The following UBXN10 variants were observed in gnomAD, a reference collection of about 807,000 sequenced individuals.
UBXN10 encodes the protein UBX domain-containing protein 10.
In UBXN10, 6 loss-of-function variants were observed where a neutral mutation model predicts 6.9. That is an observed-to-expected ratio of 0.87 (90% confidence interval 0.48 to 1.72). UBXN10 has a LOEUF of 1.72. Among genes scored for constraint, UBXN10 ranks in the 40% most tolerant of loss-of-function variants. The pLI is 0.01. For synonymous variants in UBXN10, 131 were observed against 135.2 expected (o/e 0.97, Z 0.21); for missense variants, 317 against 348.4 (o/e 0.91, Z 0.72).
intron 1 of UBXN10, among the ~76,000 whole-genome samples, chr1:20,190,174 T>C (rs1277781418): frequency 1.3e-5 from 2 of 152,248 alleles, no homozygotes; most frequent in East Asian, 3.8e-4. Context: ...GCAGGTTTTC[T>C]GGTTTTTACC....
At position 20,190,191 on chromosome 1, in the gene UBXN10, T is replaced by C. The variant is rs530834984; in HGVS notation, c.-15-356T>C. On this transcript the variant is annotated intron_variant, in intron 1 of 1. Transcript: ENST00000375099. ...AGGTTTTCTGGTTTTTACCAGAAAC[T>C]TCCCCCCTCCTAAAAGAATAAGAAT... 2.9e-4 allele frequency among the ~76,000 whole-genome samples: 44 copies of C among 152,318 alleles called. No individual in the cohort carries two copies. In the East Asian group the frequency reaches 8.1e-3, roughly 28 times the overall value.
intron 1 of UBXN10, among the ~76,000 whole-genome samples, chr1:20,189,842 G>A (rs896940612): frequency 6.6e-6 from 1 of 152,244 alleles, no homozygotes; most frequent in Non-Finnish European, 1.5e-5. Flanking sequence ...GAGGACACAG[G>A]ATCGGGTGTC....
chr1:20,185,716 G>A (rs1027822683), upstream of UBXN10, among the ~76,000 whole-genome samples: 4 of 152,190 alleles, frequency 2.6e-5, no homozygotes, highest in African/African-American at 9.7e-5. Flanking sequence ...CAGTCCCACA[G>A]CCTCATTTTA....
rs2018502206 is a variant in UBXN10, at chr1:20,191,503, C to T, written c.*99C>T. 6.6e-7 allele frequency: 1 copy of T among 1,513,650 alleles called. No homozygotes were observed. Among genetic ancestry groups the T allele is most frequent in the Admixed American group, 2.2e-5 (1 of 45,542 alleles). 93.8% of individuals were successfully genotyped at this position (1,513,650 alleles called of 1,614,324 possible). On this transcript the variant is annotated 3_prime_UTR_variant, in exon 2 of 2. Coordinates refer to ENST00000375099, the MANE Select transcript of UBXN10 (RefSeq NM_152376.5). This position sits in a 1 kb window ranked among gnomAD's most constrained non-coding sequence, Gnocchi z 4.5. ...AGCCTGTTTCAAGTGCCATGTGGACCTGGTGCAGCTGGGAAGCTTGGGACT... is the reference window on the plus strand; with the variant it reads ...AGCCTGTTTCAAGTGCCATGTGGACTTGGTGCAGCTGGGAAGCTTGGGACT...
rs1370634046 is a variant in UBXN10 at position 20,195,780 on chromosome 1, T to C, written c.*4376T>C. The C allele has an allele frequency of 6.0e-6, 1 of 167,072 alleles. No homozygotes were observed. Among genetic ancestry groups the C allele is most frequent in the Non-Finnish European group, 1.5e-5 (1 of 68,098 alleles). The allele number at this position is 167,072 out of a possible 1,614,324, so 10.3% of individuals were successfully genotyped here. On this transcript the variant is annotated 3_prime_UTR_variant, in exon 2 of 2. Transcript: ENST00000375099. ...AATTAAGAGATAAAACTAAGGTCAC[T>C]GTTTCACTTAATGTTGAGATATAAG...
Position 20,194,610 on chromosome 1 carries a change from A to G in UBXN10, c.*3206A>G, listed in dbSNP as rs1557796173. 1 of 167,124 alleles carries G rather than the reference A, an allele frequency of 6.0e-6. No homozygotes were observed. The highest frequency in any genetic ancestry group is 2.4e-5 in the African/African-American group (1 of 41,462). The allele number at this position is 167,124 out of a possible 1,614,324, so 10.4% of individuals were successfully genotyped here. ...CCTGCATTACAAAAGCAGGCATTCG[A>G]GGAACTAAACTTTGCTTTTGTTCAT... On this transcript the variant is annotated 3_prime_UTR_variant, in exon 2 of 2. Transcript: ENST00000375099.
At position 20,195,011 on chromosome 1, in the gene UBXN10, G is replaced by A. The variant is rs2018576359; in HGVS notation, c.*3607G>A. ...GGGAAGGCCTGAGGTCGCTTCGGAGGAGTTAGCAATCAAAGGAGAACAGAC... is the reference window on the plus strand; with the variant it reads ...GGGAAGGCCTGAGGTCGCTTCGGAGAAGTTAGCAATCAAAGGAGAACAGAC... On this transcript the variant is annotated 3_prime_UTR_variant, in exon 2 of 2. Coordinates refer to ENST00000375099, the MANE Select transcript of UBXN10 (RefSeq NM_152376.5). 1 of 167,092 alleles carries A rather than the reference G, an allele frequency of 6.0e-6. No individual in the cohort carries two copies. Among genetic ancestry groups the A allele is most frequent in the Admixed American group, 6.5e-5 (1 of 15,280 alleles). The allele number at this position is 167,092 out of a possible 1,614,324, so 10.4% of individuals were successfully genotyped here.
At chr1:20,183,481 CA>C (rs1039587212), upstream of UBXN10, among the ~76,000 whole-genome samples, 6 of 152,322 alleles carry the variant, frequency 3.9e-5, no homozygotes, top group Non-Finnish European at 7.4e-5. Flanking sequence ...GCTCCTTCAC[CA>C]GGGGGAACCC....
At chr1:20,183,857 T>C (rs1024330730), upstream of UBXN10, among the ~76,000 whole-genome samples, 1 of 152,152 alleles carries the variant, frequency 6.6e-6, no homozygotes, top group Non-Finnish European at 1.5e-5. Flanking sequence ...GATTGGGACA[T>C]GGCTAGAAAG....
At chr1:20,190,417 T>G in intron 1 of UBXN10, 130 bp from the exon 2 acceptor site, 1 of 1,177,382 alleles carries the variant, frequency 8.5e-7, no homozygotes, top group Non-Finnish European at 1.2e-6. Flanking sequence ...ATGAATAAAT[T>G]GCAGCTGGTG....
rs535544350 is a variant in UBXN10 at position 20,193,972 on chromosome 1, A to C, written c.*2568A>C. On this transcript the variant is annotated 3_prime_UTR_variant, in exon 2 of 2. Coordinates refer to ENST00000375099, the MANE Select transcript of UBXN10 (RefSeq NM_152376.5). ...TCAGTTATTCATTTAACCGATGGCC[A>C]TTGAGGGCTTACCCAGTGCCACACT... 1 of 167,250 alleles carries C rather than the reference A, an allele frequency of 6.0e-6. No individual in the cohort carries two copies. Among genetic ancestry groups the C allele is most frequent in the Non-Finnish European group, 1.5e-5 (1 of 68,140 alleles). 10.4% of individuals were successfully genotyped at this position (167,250 alleles called of 1,614,324 possible).
At chr1:20,183,761 G>A (rs1160853735), upstream of UBXN10, among the ~76,000 whole-genome samples, 2 of 152,204 alleles carry the variant, frequency 1.3e-5, no homozygotes, top group African/African-American at 4.8e-5. Flanking sequence ...GGTGGGGCAG[G>A]CATGGGCAAA....
chr1:20,190,273 T>A (rs561029532), intron 1 of UBXN10, among the ~76,000 whole-genome samples: 1 of 152,244 alleles, frequency 6.6e-6, no homozygotes, highest in East Asian at 1.9e-4. Context: ...TTCATAGCGG[T>A]TGTTACTCTT....
intron 1 of UBXN10, among the ~76,000 whole-genome samples, chr1:20,188,491 G>T (rs1213826406): frequency 6.6e-6 from 1 of 152,176 alleles, no homozygotes; most frequent in Admixed American, 6.5e-5. Context: ...AGGCAGCAGT[G>T]GTTACATGTG....
Position 20,191,199 on chromosome 1 carries a change from G to C in UBXN10, c.638G>C (p.Arg213Pro). 1.9e-6 allele frequency: 3 copies of C among 1,614,166 alleles called. No homozygotes were observed. Among genetic ancestry groups the C allele is most frequent in the Non-Finnish European group, 2.5e-6 (3 of 1,180,036 alleles). ...VRSPTGQRFV[R>P]HFRPTDDLQT... The stretch of plus-strand genomic sequence containing the variant: ...TCACCAACAGGCCAAAGGTTTGTAC[G>C]CCATTTCCGGCCAACAGATGATTTG... The change falls in exon 2 of 2, where the codon CGC (arginine) becomes CCC (proline). Residue 213 changes from arginine to proline, a missense_variant. Physicochemically the swap from Arg to Pro is moderately radical, Grantham distance 103. Transcript: ENST00000375099. This position sits in a 1 kb window ranked among gnomAD's most constrained non-coding sequence, Gnocchi z 4.5.
At position 20,190,987 on chromosome 1, in the gene UBXN10, G is replaced by C. The variant is rs747121202; in HGVS notation, c.426G>C (p.Leu142=). Reference sequence around the variant, plus strand: ...CCAAAAAGGCCAGCTCACTGCAACTGAGCAGTATCCGGGCTCTTTACCAAG... The same window carrying C: ...CCAAAAAGGCCAGCTCACTGCAACTCAGCAGTATCCGGGCTCTTTACCAAG... ...TVAKKASSLQ[L]SSIRALYQDE... is the part of the protein sequence containing the mutation. Residue 142 remains leucine, a synonymous_variant, in exon 2 of 2, where the codon CTG becomes CTC. Transcript: ENST00000375099. 8.7e-6 allele frequency: 14 copies of C among 1,614,160 alleles called. No homozygotes were observed. In the East Asian group the frequency reaches 2.9e-4, roughly 33 times the overall value.
upstream of UBXN10, among the ~76,000 whole-genome samples, chr1:20,183,663 G>T (rs1445807095): frequency 1.3e-5 from 2 of 152,340 alleles, no homozygotes; most frequent in African/African-American, 4.8e-5. Flanking sequence ...GGAGGCTGTG[G>T]TCAGGAAAGG....
upstream of UBXN10, chr1:20,184,211 AC>A (rs1466891162): frequency 6.6e-6 from 1 of 152,352 alleles, no homozygotes; most frequent in African/African-American, 2.4e-5. Context: ...ACACACACAC[AC>A]ACACACACAC....
chr1:20,193,902 G>C lies in UBXN10; in HGVS notation c.*2498G>C, dbSNP rs2018557804. ...CAACCGGCCTAGCACACTCCTCTTGGTGGCTTTGGGTGGGTCAGCCTTGCC... is the reference window on the plus strand; with the variant it reads ...CAACCGGCCTAGCACACTCCTCTTGCTGGCTTTGGGTGGGTCAGCCTTGCC... On this transcript the variant is annotated 3_prime_UTR_variant, in exon 2 of 2. Transcript: ENST00000375099. The C allele has an allele frequency of 6.0e-6, 1 of 167,088 alleles. No individual in the cohort carries two copies. The highest frequency in any genetic ancestry group is 6.5e-5 in the Admixed American group (1 of 15,284). The allele number at this position is 167,088 out of a possible 1,614,324, so 10.4% of individuals were successfully genotyped here.
Sources: allele counts gnomAD v4.1 joint callset (sites outside exome capture counted in the v4.1 genomes callset), GRCh38; gene constraint gnomAD v4.1.1; non-coding constraint Gnocchi (gnomAD v3.1); transcripts MANE v1.5; gene names NCBI Gene and HGNC (gene_info 2026-07-23, HGNC 2026-07-21).